AUTS2: variants seen among roughly 807,000 people sequenced by gnomAD.
The protein encoded by AUTS2 is autism susceptibility gene 2 protein.
AUTS2 carries 17 observed loss-of-function variants against 112.4 expected under a neutral mutation model. The observed-to-expected ratio is 0.15, with a 90% CI of 0.10 to 0.23. The LOEUF is 0.23. Ranked by LOEUF, AUTS2 falls within the 10% of genes least tolerant of loss-of-function variation. The pLI, the probability that AUTS2 is intolerant of heterozygous loss-of-function variation, is 1.00. For missense variants in AUTS2, 1,510 were observed against 1,701.6 expected (o/e 0.89, Z 1.98); for synonymous variants, 751 against 702.7 (o/e 1.07, Z -1.09).
chr7:70,646,332 G>C lies in AUTS2; in HGVS notation c.691-52237G>C, dbSNP rs1806157248. Reference sequence around the variant, plus strand: ...AGGCAGAGTCCATGGGGTTTCACCAGAGGGGCCATTTCCCTCTCTGCCTCC... The same window carrying C: ...AGGCAGAGTCCATGGGGTTTCACCACAGGGGCCATTTCCCTCTCTGCCTCC... On this transcript the variant is annotated intron_variant, in intron 5 of 18. Coordinates refer to ENST00000342771, the MANE Select transcript of AUTS2 (RefSeq NM_015570.4). 2.0e-5 allele frequency among the ~76,000 whole-genome samples: 3 copies of C among 152,236 alleles called. No individual in the cohort carries two copies. The South Asian group carries it at 6.2e-4, about 32-fold the overall frequency.
chr7:70,768,106 G>T (rs1408529717), intron 10 of AUTS2, 38 bp downstream of exon 10: 1 of 1,566,230 alleles, frequency 6.4e-7, no homozygotes, highest in African/African-American at 1.4e-5. Context: ...GAATGTAACT[G>T]CTTTGCCATT....
chr7:70,404,764 A>G (rs1179275464), intron 4 of AUTS2, among the ~76,000 whole-genome samples: 1 of 152,210 alleles, frequency 6.6e-6, no homozygotes, highest in Non-Finnish European at 1.5e-5. Context: ...TGCTACAGCA[A>G]TATGGCTCAT....
At chr7:69,706,528 T>C (rs1798067597) in intron 1 of AUTS2, among the ~76,000 whole-genome samples, 1 of 152,190 alleles carries the variant, frequency 6.6e-6, no homozygotes, top group South Asian at 2.1e-4. Flanking sequence ...GGCTAACACC[T>C]TGCCTGGCAT....
chr7:70,467,456 G>A (rs1370771917), intron 5 of AUTS2, among the ~76,000 whole-genome samples: 1 of 152,228 alleles, frequency 6.6e-6, no homozygotes, highest in African/African-American at 2.4e-5. Flanking sequence ...CCAGCAGGCA[G>A]AGAAAGTAGT....
At chr7:70,258,331 G>A (rs1412604978) in intron 4 of AUTS2, among the ~76,000 whole-genome samples, 1 of 152,202 alleles carries the variant, frequency 6.6e-6, no homozygotes, top group Non-Finnish European at 1.5e-5. Flanking sequence ...TACTAAGTAG[G>A]ACAGTAGCAA....
intron 5 of AUTS2, among the ~76,000 whole-genome samples, chr7:70,651,017 A>G (rs1280743401): frequency 6.6e-6 from 1 of 152,246 alleles, no homozygotes; most frequent in Non-Finnish European, 1.5e-5. Context: ...TAATGTTGAT[A>G]GTAATGATCA....
At position 70,790,486 on chromosome 7, in the gene AUTS2, G is replaced by A. The variant is rs780970633; in HGVS notation, c.3270G>A (p.Leu1090=). 1 of 1,612,660 alleles carries A rather than the reference G, an allele frequency of 6.2e-7. No individual in the cohort carries two copies. Among genetic ancestry groups the A allele is most frequent in the South Asian group, 1.1e-5 (1 of 90,914 alleles). Residue 1090 remains leucine (L), a synonymous_variant, in exon 19 of 19, where the codon CTG becomes CTA. Coordinates refer to ENST00000342771, the MANE Select transcript of AUTS2 (RefSeq NM_015570.4). This position sits in a 1 kb window ranked among gnomAD's most constrained non-coding sequence, Gnocchi z 7.6. ...RELDIHRRDP[L]GRDFLLRNDP... ...TTGACATTCACCGGAGAGACCCGCTGGGCAGGGACTTCCTGCTAAGGAACG... is the reference window on the plus strand; with the variant it reads ...TTGACATTCACCGGAGAGACCCGCTAGGCAGGGACTTCCTGCTAAGGAACG...
At chr7:70,337,729 G>A (rs1167517893) in intron 4 of AUTS2, among the ~76,000 whole-genome samples, 2 of 152,206 alleles carry the variant, frequency 1.3e-5, no homozygotes, top group Admixed American at 6.5e-5. Context: ...AATAGCCCAT[G>A]TGGTATGTAT....
intron 2 of AUTS2, among the ~76,000 whole-genome samples, chr7:70,031,709 A>G (rs1445090996): frequency 1.3e-5 from 2 of 152,078 alleles, no homozygotes; most frequent in African/African-American, 4.8e-5. Flanking sequence ...TGATGCTCTA[A>G]TTTTTGCCTT....
chr7:69,939,602 C>T (rs570954353), intron 2 of AUTS2, among the ~76,000 whole-genome samples: 2 of 152,174 alleles, frequency 1.3e-5, no homozygotes, highest in Non-Finnish European at 2.9e-5. Flanking sequence ...AGGAACACCT[C>T]TGAGTTGATG....
intron 4 of AUTS2, among the ~76,000 whole-genome samples, chr7:70,191,604 T>G (rs1009994700): frequency 1.3e-5 from 2 of 152,238 alleles, no homozygotes; most frequent in African/African-American, 4.8e-5. Flanking sequence ...AGTGACTTGC[T>G]TTATCAGGTT....
intron 6 of AUTS2, among the ~76,000 whole-genome samples, chr7:70,746,398 G>A (rs552366871): frequency 1.0e-3 from 157 of 152,154 alleles, no homozygotes; most frequent in African/African-American, 3.5e-3. Flanking sequence ...CGCCCACCTC[G>A]GCCTCCCAAA....
chr7:70,404,150 C>T (rs968758969), intron 4 of AUTS2, among the ~76,000 whole-genome samples: 2 of 152,184 alleles, frequency 1.3e-5, no homozygotes, highest in African/African-American at 4.8e-5. Context: ...CCAACCCTCA[C>T]TTTTGAGTGG....
At chr7:69,837,845 G>A (rs1267915108) in intron 1 of AUTS2, among the ~76,000 whole-genome samples, 1 of 152,146 alleles carries the variant, frequency 6.6e-6, no homozygotes, top group African/African-American at 2.4e-5. Flanking sequence ...GTTAAATCTG[G>A]CATAAAATGC....
intron 5 of AUTS2, among the ~76,000 whole-genome samples, chr7:70,602,412 A>T (rs1803522025): frequency 1.3e-5 from 2 of 152,062 alleles, no homozygotes; most frequent in Non-Finnish European, 2.9e-5. Context: ...TTTACCTTAC[A>T]GGTTGCTAAG....
chr7:70,021,465 G>A (rs1173256802), intron 2 of AUTS2, among the ~76,000 whole-genome samples: 1 of 152,194 alleles, frequency 6.6e-6, no homozygotes, highest in Non-Finnish European at 1.5e-5. Flanking sequence ...TAGCTGGGTT[G>A]AAGAGGCCCC....
chr7:69,607,683 C>T (rs1792805197), intron 1 of AUTS2, among the ~76,000 whole-genome samples: 1 of 152,160 alleles, frequency 6.6e-6, no homozygotes, highest in East Asian at 1.9e-4. Context: ...TTTTAGCTTG[C>T]ACTATACCTC....
Position 69,923,908 on chromosome 7 carries a change from C to A in AUTS2, c.522+24410C>A, listed in dbSNP as rs190976933. Among the ~76,000 whole-genome samples the A allele has an allele frequency of 1.9e-3, 293 of 152,270 alleles. 2 individuals carry two copies. The highest frequency in any genetic ancestry group is 2.2e-3 in the Non-Finnish European group (147 of 68,006). On this transcript the variant is annotated intron_variant, in intron 2 of 18. Coordinates refer to ENST00000342771, the MANE Select transcript of AUTS2 (RefSeq NM_015570.4). ...TTTAGTGAATAGAAGCAGCTTATTT[C>A]TTTCCTCCTAATCTGGGTATCTTCT...
At position 70,397,121 on chromosome 7, in the gene AUTS2, T is replaced by C. The variant is rs554896426; in HGVS notation, c.661-38631T>C. Reference sequence around the variant, plus strand: ...TATTGTTGCCCAAGCTGGAGCTCAATGGCACGATCTCGGCTCACTGCAACC... The same window carrying C: ...TATTGTTGCCCAAGCTGGAGCTCAACGGCACGATCTCGGCTCACTGCAACC... On this transcript the variant is annotated intron_variant, in intron 4 of 18. Coordinates refer to ENST00000342771, the MANE Select transcript of AUTS2 (RefSeq NM_015570.4). Among the ~76,000 whole-genome samples, 5 of 152,072 alleles carry C rather than the reference T, an allele frequency of 3.3e-5. No homozygotes were observed. In the East Asian group the frequency reaches 7.8e-4, roughly 24 times the overall value.
Sources: allele counts gnomAD v4.1 joint callset (sites outside exome capture counted in the v4.1 genomes callset), GRCh38; gene constraint gnomAD v4.1.1; non-coding constraint Gnocchi (gnomAD v3.1); transcripts MANE v1.5; gene names NCBI Gene and HGNC (gene_info 2026-07-23, HGNC 2026-07-21).